The following PRDM2 variants were observed in gnomAD, a reference collection of about 807,000 sequenced individuals.
PRDM2 encodes the protein PR/SET domain 2, also known as PR domain zinc finger protein 2.
PRDM2 carries 30 observed loss-of-function variants against 130.0 expected under a neutral mutation model. The observed-to-expected ratio is 0.23, with a 90% confidence interval of 0.17 to 0.31. The LOEUF is 0.31. PRDM2 is among the 10% of genes least tolerant of loss of function. The pLI, the probability that PRDM2 is intolerant of heterozygous loss-of-function variation, is 1.00. For synonymous variants in PRDM2, 871 were observed against 782.4 expected, an observed-to-expected ratio of 1.11 and a Z score of -1.89; for missense variants, 2,011 against 2,108.4, an observed-to-expected ratio of 0.95 and a Z score of 0.90.
intron 8 of PRDM2, among the ~76,000 whole-genome samples, chr1:13,799,521 G>A (rs1272401635): frequency 6.6e-6 from 1 of 151,884 alleles, no homozygotes; most frequent in East Asian, 1.9e-4. Context: ...AAATCCTTCT[G>A]AACTTTTTTG....
intron 7 of PRDM2, among the ~76,000 whole-genome samples, chr1:13,776,507 T>G (rs1317669394): frequency 6.6e-6 from 1 of 152,134 alleles, no homozygotes; most frequent in African/African-American, 2.4e-5. Context: ...TTTCTTCCAG[T>G]CTCTTCTCCA....
chr1:13,782,156 C>A lies in PRDM2; in HGVS notation c.4361C>A (p.Ser1454Tyr), dbSNP rs1276808846. 1 of 1,613,944 alleles carries A rather than the reference C, an allele frequency of 6.2e-7. No individual in the cohort carries two copies. Among genetic ancestry groups the A allele is most frequent in the Non-Finnish European group, 8.5e-7 (1 of 1,180,028 alleles). ...TTGAAAAATGCTTGTGAGTCATCCT[C>A]TCACATCTGCCCTTACTGTAATCGA... is the stretch of plus-strand genomic sequence containing the variant. ...ADLKNACESS[S>Y]HICPYCNREF... Residue 1454 changes from serine to tyrosine, a missense_variant, in exon 8 of 10, where the codon TCT becomes TAT. Coordinates refer to ENST00000311066, the MANE Select transcript of PRDM2 (RefSeq NM_001393986.1).
intron 5 of PRDM2, among the ~76,000 whole-genome samples, chr1:13,744,538 T>A (rs1261222367): frequency 1.3e-5 from 2 of 152,188 alleles, no homozygotes; most frequent in Non-Finnish European, 2.9e-5. Context: ...CTTCTAGATA[T>A]GTGACCACGC....
intron 6 of PRDM2, among the ~76,000 whole-genome samples, chr1:13,769,971 G>A (rs1273240980): frequency 6.6e-6 from 1 of 152,120 alleles, no homozygotes; most frequent in Non-Finnish European, 1.5e-5. Context: ...GTGGCTACAG[G>A]TGCAGTTAAA....
chr1:13,797,584 C>T (rs530938930), intron 8 of PRDM2, among the ~76,000 whole-genome samples: 6 of 152,256 alleles, frequency 3.9e-5, no homozygotes, highest in Admixed American at 6.5e-5. Context: ...TGGCACATGG[C>T]GAGGTAAGAG....
chr1:13,788,993 TCTCCTGGATCAAGATGCTGTCAGACACAA>T (rs1644796012), intron 8 of PRDM2, among the ~76,000 whole-genome samples: 2 of 152,118 alleles, frequency 1.3e-5, no homozygotes, highest in Admixed American at 1.3e-4. Flanking sequence ...GGAGATCTTT[TCTCCTGGATCAAGATGCTGTCAGACACAA>T]GCACTGGACT....
chr1:13,763,502 T>G (rs1315998509), intron 6 of PRDM2, among the ~76,000 whole-genome samples: 2 of 152,194 alleles, frequency 1.3e-5, no homozygotes, highest in Non-Finnish European at 2.9e-5. Context: ...GTTTTTTTCC[T>G]GAACGGTTTT....
At chr1:13,761,090 A>G (rs1569909233) in intron 6 of PRDM2, among the ~76,000 whole-genome samples, 3 of 152,368 alleles carry the variant, frequency 2.0e-5, no homozygotes, top group Admixed American at 2.0e-4. Flanking sequence ...CCAAACGAGG[A>G]CACCTGTGGT....
At position 13,778,644 on chromosome 1, in the gene PRDM2, T is replaced by A. The variant is rs2076324; in HGVS notation, c.849T>A (p.Asp283Glu). The change falls in exon 8 of 10, where the codon GAT (aspartate) becomes GAA (glutamate). Residue 283 changes from aspartate (D) to glutamate (E), a missense_variant. Physicochemically the swap from Asp to Glu is conservative, Grantham distance 45. Coordinates refer to ENST00000311066, the MANE Select transcript of PRDM2 (RefSeq NM_001393986.1). ...EEEEDEEEEE[D>E]DDDDELEDEG... is the part of the protein sequence containing the mutation. ...AGGAGGATGAAGAAGAAGAAGAAGATGATGATGATGATGAGTTGGAAGACG... is the reference window on the plus strand; with the variant it reads ...AGGAGGATGAAGAAGAAGAAGAAGAAGATGATGATGATGAGTTGGAAGACG... 574,991 of 1,590,076 alleles carry A rather than the reference T, an allele frequency of 0.36. 103,138 individuals carry two copies. Among genetic ancestry groups the A allele is most frequent in the Admixed American group, 0.55 (32,545 of 59,028 alleles).
intron 2 of PRDM2, among the ~76,000 whole-genome samples, chr1:13,724,793 A>G (rs577853541): frequency 6.6e-6 from 1 of 152,310 alleles, no homozygotes; most frequent in South Asian, 2.1e-4. Context: ...GTATAAAACA[A>G]AGTATGGAAG....
intron 4 of PRDM2, among the ~76,000 whole-genome samples, chr1:13,738,477 T>C (rs370559989): frequency 2.0e-5 from 3 of 152,352 alleles, no homozygotes; most frequent in African/African-American, 2.4e-5. Flanking sequence ...CTGGGAGATT[T>C]TCCAGAAACA....
intron 2 of PRDM2, among the ~76,000 whole-genome samples, chr1:13,727,553 C>T (rs779706247): frequency 6.6e-6 from 1 of 152,226 alleles, no homozygotes; most frequent in Non-Finnish European, 1.5e-5. Context: ...CCACGCCTCG[C>T]GTTCCCCTCT....
chr1:13,822,431 T>C (rs1194730704), intron 9 of PRDM2, among the ~76,000 whole-genome samples: 2 of 151,200 alleles, frequency 1.3e-5, no homozygotes, highest in African/African-American at 4.9e-5. Context: ...AGTCTCGCTC[T>C]GTCTCCCAGG....
intron 4 of PRDM2, among the ~76,000 whole-genome samples, chr1:13,733,261 A>G (rs1462489603): frequency 1.3e-5 from 2 of 152,244 alleles, no homozygotes; most frequent in Non-Finnish European, 2.9e-5. Context: ...GTTCTTCTCT[A>G]TATTTTAGAA....
chr1:13,719,558 A>G (rs1181262031), intron 2 of PRDM2, among the ~76,000 whole-genome samples: 1 of 152,202 alleles, frequency 6.6e-6, no homozygotes, highest in East Asian at 1.9e-4. Flanking sequence ...TGAGATTAAC[A>G]CCATGCTTTA....
chr1:13,761,397 G>A (rs147025152), intron 6 of PRDM2, among the ~76,000 whole-genome samples: 4 of 152,278 alleles, frequency 2.6e-5, no homozygotes, highest in African/African-American at 9.6e-5. Flanking sequence ...CGAAAGGACA[G>A]TTTTCTTAGA....
intron 8 of PRDM2, among the ~76,000 whole-genome samples, chr1:13,804,083 A>G (rs564574046): frequency 6.6e-6 from 1 of 152,264 alleles, no homozygotes; most frequent in South Asian, 2.1e-4. Flanking sequence ...CGAGTTACTT[A>G]ACCTCTCTGT....
intron 7 of PRDM2, among the ~76,000 whole-genome samples, chr1:13,775,065 G>A (rs78505730): frequency 1.4e-3 from 218 of 152,212 alleles, no homozygotes; most frequent in African/African-American, 4.9e-3. Flanking sequence ...TGAATGTTCT[G>A]CGTTGTCCTC....
chr1:13,708,181 C>CT (rs1016678710), intron 1 of PRDM2, among the ~76,000 whole-genome samples: 297 of 146,186 alleles, frequency 2.0e-3, no homozygotes, highest in Middle Eastern at 7.2e-3. Context: ...CCCCTTTAAT[C>CT]TTTTTTTTTT....
Sources: allele counts gnomAD v4.1 joint callset (sites outside exome capture counted in the v4.1 genomes callset), GRCh38; gene constraint gnomAD v4.1.1; transcripts MANE v1.5; gene names NCBI Gene and HGNC (gene_info 2026-07-23, HGNC 2026-07-21).